The following ODAD1 variants were observed in gnomAD, a reference collection of about 807,000 sequenced individuals.
ODAD1 encodes the protein outer dynein arm docking complex subunit 1, also known as outer dynein arm-docking complex subunit 1.
Under a neutral mutation model 67.2 loss-of-function variants are expected in ODAD1, and 49 were observed. The ratio of observed to expected loss-of-function variants is 0.73; its 90% confidence interval spans 0.58 to 0.92. ODAD1 has a LOEUF of 0.92. ODAD1 is among the 40% of genes least tolerant of loss of function. The probability of loss-of-function intolerance (pLI) is 0.00; values close to 1 mark genes in which losing one functional copy is unlikely to be tolerated. For missense variants in ODAD1, 897 were observed against 953.7 expected, an observed-to-expected ratio of 0.94 and a Z score of 0.78; for synonymous variants, 345 against 393.7, an observed-to-expected ratio of 0.88 and a Z score of 1.46.
At chr19:48,307,153 T>C (rs1384052453) in intron 7 of ODAD1, among the ~76,000 whole-genome samples, 2 of 149,874 alleles carry the variant, frequency 1.3e-5, no homozygotes, top group Non-Finnish European at 3.0e-5. Flanking sequence ...CATTGCACCC[T>C]AGCCTGGGCA....
rs2073656241 is a variant in ODAD1, at chr19:48,297,994, C to A, written c.1502+6G>T. ...CCCTCTGCGTCCCTCCTGCCCTGCG[C>A]CTCACAGAGTGTCAGGGGGCTGAAG... On this transcript the variant is annotated splice_donor_region_variant and intron_variant, in intron 14 of 15. Transcript: ENST00000674294. 1 of 1,608,718 alleles carries A rather than the reference C, an allele frequency of 6.2e-7. No homozygotes were observed. The highest frequency in any genetic ancestry group is 8.5e-7 in the Non-Finnish European group (1 of 1,176,300).
In ODAD1 at chr19:48,297,163, T is replaced by C; in HGVS notation, c.1937A>G (p.Tyr646Cys). The C allele has an allele frequency of 6.2e-7, 1 of 1,614,094 alleles. No homozygotes were observed. The highest frequency in any genetic ancestry group is 8.5e-7 in the Non-Finnish European group (1 of 1,179,994). ...VTFRPVSASS[Y>C]LGSTGYVGSS... ...CCCCACGTATCCAGTGGAGCCCAGG[T>C]AGCTGCTGGCGCTGACGGGTCTGAA... The change falls in exon 16 of 16, where the codon TAC becomes TGC. Residue 646 changes from tyrosine (Y) to cysteine (C), a missense_variant. By Grantham distance (194) the Tyr-to-Cys change is radical (BLOSUM62 -2). Transcript: ENST00000674294.
At chr19:48,306,437 A>T (rs1569006471) in intron 7 of ODAD1, 114 bp from the exon 8 acceptor site, 1 of 821,396 alleles carries the variant, frequency 1.2e-6, no homozygotes, top group African/African-American at 1.7e-5. Context: ...AGCCTTCCAA[A>T]TGTGGACCCT....
Position 48,320,379 on chromosome 19 carries a change from C to T in ODAD1, c.-11G>A, listed in dbSNP as rs1312349256. On this transcript the variant is annotated 5_prime_UTR_variant, in exon 3 of 16. Coordinates refer to ENST00000674294, the MANE Select transcript of ODAD1 (RefSeq NM_001364171.2). ...GCGTCCCAAAGGCATCCTGGCCAAA[C>T]AGGGTGGGGCTCCTGTAGGGATGGA... 1 of 1,287,394 alleles carries T rather than the reference C, an allele frequency of 7.8e-7. No individual in the cohort carries two copies. Among genetic ancestry groups the T allele is most frequent in the South Asian group, 1.2e-5 (1 of 80,816 alleles). 79.7% of individuals were successfully genotyped at this position (1,287,394 alleles called of 1,614,324 possible).
intron 11 of ODAD1, 35 bp downstream of exon 11, chr19:48,302,978 G>A: frequency 1.9e-6 from 3 of 1,606,484 alleles, no homozygotes; most frequent in Non-Finnish European, 1.7e-6. Flanking sequence ...AGGCCGGGAG[G>A]AGAGGAGGAG....
At chr19:48,319,957 C>A (rs1260097956) in intron 3 of ODAD1, 2 of 804,150 alleles carry the variant, frequency 2.5e-6, no homozygotes, top group African/African-American at 3.7e-5. Context: ...AAGAATTATC[C>A]CACCCCAAGA....
intron 3 of ODAD1, chr19:48,319,940 C>G (rs1471299911): frequency 1.5e-6 from 1 of 658,224 alleles, no homozygotes; most frequent in Non-Finnish European, 1.9e-6. Context: ...GGACTGCCCC[C>G]ACAACAAAGA....
intron 7 of ODAD1, 103 bp from the exon 8 acceptor site, chr19:48,306,426 G>A (rs905894303): frequency 3.0e-6 from 3 of 989,030 alleles, no homozygotes; most frequent in Non-Finnish European, 4.6e-6. Context: ...TAAAGCTCTT[G>A]AGCCTTCCAA....
At chr19:48,305,984 G>T (rs1968596783) in intron 8 of ODAD1, among the ~76,000 whole-genome samples, 1 of 151,968 alleles carries the variant, frequency 6.6e-6, no homozygotes, top group Admixed American at 6.6e-5. Flanking sequence ...GTTTGAACCT[G>T]GGAGGTAGAG....
intron 8 of ODAD1, among the ~76,000 whole-genome samples, chr19:48,305,818 T>C (rs1026707651): frequency 2.0e-4 from 31 of 151,720 alleles, no homozygotes; most frequent in African/African-American, 7.5e-4. Flanking sequence ...CCCAGCACTT[T>C]GGGAGGCAGA....
chr19:48,305,573 T>A (rs538651490), intron 8 of ODAD1, among the ~76,000 whole-genome samples: 86 of 151,834 alleles, frequency 5.7e-4, no homozygotes, highest in Middle Eastern at 3.4e-3. Context: ...CCCAGCTAAG[T>A]TTTTATATTT....
intron 12 of ODAD1, among the ~76,000 whole-genome samples, chr19:48,300,448 C>T (rs569444749): frequency 2.6e-5 from 4 of 152,244 alleles, no homozygotes; most frequent in South Asian, 2.1e-4. Flanking sequence ...GGAGAAAACA[C>T]AGCATAATGC....
chr19:48,304,202 G>A, intron 8 of ODAD1, 62 bp from the exon 9 acceptor site: 2 of 1,492,502 alleles, frequency 1.3e-6, no homozygotes, highest in Non-Finnish European at 1.8e-6. Context: ...CTGGGGTCCT[G>A]GGGATGGGCG....
rs748491528 is a variant in ODAD1, at chr19:48,297,656, C to T, written c.1515G>A (p.Pro505=). The change falls in exon 15 of 16, where the codon CCG becomes CCA. Residue 505 remains proline (P), a synonymous_variant. Transcript: ENST00000674294. ...LQPPDTLEDP[P]GFEASDDYPM... is the part of the protein sequence containing the mutation. ...GGTAGTCATCGCTGGCCTCAAAACC[C>T]GGGGGGTCTTCTCTGGGGAGGGGAA... 3.1e-5 allele frequency: 47 copies of T among 1,515,094 alleles called. No individual in the cohort carries two copies. Among genetic ancestry groups the T allele is most frequent in the Middle Eastern group, 3.6e-4 (2 of 5,624 alleles). 93.9% of individuals were successfully genotyped at this position (1,515,094 alleles called of 1,614,324 possible). A position where few individuals can be genotyped will look rare whatever the true frequency, so the allele number is the denominator to read the frequency against.
At chr19:48,314,141 G>T (rs1265274829) in intron 5 of ODAD1, among the ~76,000 whole-genome samples, 1 of 152,132 alleles carries the variant, frequency 6.6e-6, no homozygotes, top group Non-Finnish European at 1.5e-5. Context: ...TACTTGGGAG[G>T]CTGAGGCAGG....
intron 7 of ODAD1, among the ~76,000 whole-genome samples, chr19:48,307,688 G>T (rs183915054): frequency 6.6e-6 from 1 of 152,030 alleles, no homozygotes; most frequent in Non-Finnish European, 1.5e-5. Context: ...GGTGGCAGGT[G>T]CCTGTAGTCC....
chr19:48,301,721 G>A (rs1474162771), intron 12 of ODAD1, among the ~76,000 whole-genome samples: 1 of 151,688 alleles, frequency 6.6e-6, no homozygotes, highest in African/African-American at 2.4e-5. Flanking sequence ...GACAGATGGA[G>A]GGATAGACCC....
intron 5 of ODAD1, among the ~76,000 whole-genome samples, chr19:48,312,529 G>C (rs1968792874): frequency 6.8e-6 from 1 of 147,940 alleles, no homozygotes; most frequent in Admixed American, 6.9e-5. Flanking sequence ...CAATTCTAGT[G>C]CCTCAACCTC....
chr19:48,297,772 C>A (rs1968343090), intron 14 of ODAD1, 104 bp from the exon 15 acceptor site: 2 of 1,065,910 alleles, frequency 1.9e-6, no homozygotes, highest in Non-Finnish European at 2.6e-6. Flanking sequence ...CTCCCACCAG[C>A]CCCGAGTGCC....
Sources: gnomAD v4.1 joint callset for allele counts (sites outside exome capture counted in the v4.1 genomes callset) on GRCh38, gnomAD v4.1.1 for gene constraint, MANE v1.5 for transcripts, NCBI Gene and HGNC (gene_info 2026-07-23, HGNC 2026-07-21) for gene names.